MAGI1: variants seen among roughly 807,000 people sequenced by gnomAD.
The protein encoded by MAGI1 is membrane associated guanylate kinase, WW and PDZ domain containing 1, also known as membrane-associated guanylate kinase, WW and PDZ domain-containing protein 1.
In MAGI1, 58 loss-of-function variants were observed where a neutral mutation model predicts 139.9. The observed-to-expected ratio is 0.41, with a 90% CI of 0.34 to 0.52. MAGI1 has a LOEUF of 0.52. Among genes scored for constraint, MAGI1 ranks in the 20% least tolerant of loss-of-function variants. The pLI is 0.12. For synonymous variants in MAGI1, 812 were observed against 737.9 expected (o/e 1.10, Z -1.63); for missense variants, 1,874 against 1,901.6 (o/e 0.99, Z 0.27).
intron 1 of MAGI1, among the ~76,000 whole-genome samples, chr3:65,721,322 C>G (rs1278365049): frequency 1.3e-5 from 2 of 152,216 alleles, no homozygotes; most frequent in African/African-American, 4.8e-5. Flanking sequence ...CACTCTACCT[C>G]TTCTGAGGCA....
chr3:65,975,393 A>G (rs1232091286), intron 1 of MAGI1, among the ~76,000 whole-genome samples: 1 of 152,212 alleles, frequency 6.6e-6, no homozygotes, highest in African/African-American at 2.4e-5. Context: ...GGTCTTCGAC[A>G]TTTTATATAA....
chr3:65,820,407 A>T (rs1220173359), intron 1 of MAGI1, among the ~76,000 whole-genome samples: 1 of 152,134 alleles, frequency 6.6e-6, no homozygotes, highest in African/African-American at 2.4e-5. Context: ...TCACATGGGC[A>T]GTGTGATCCT....
At chr3:65,949,555 G>A (rs142232433) in intron 1 of MAGI1, among the ~76,000 whole-genome samples, 7 of 152,276 alleles carry the variant, frequency 4.6e-5, no homozygotes, top group South Asian at 2.1e-4. Flanking sequence ...TATTCAACAT[G>A]TCCAGCATTC....
intron 18 of MAGI1, among the ~76,000 whole-genome samples, chr3:65,373,539 C>T (rs1204794403): frequency 6.6e-6 from 1 of 152,190 alleles, no homozygotes; most frequent in Non-Finnish European, 1.5e-5. Context: ...TTGCTCGAAG[C>T]AGGGTGGCCA....
chr3:65,531,034 A>G (rs9864441), intron 2 of MAGI1, among the ~76,000 whole-genome samples: 1,684 of 151,818 alleles, frequency 0.011, 29 homozygotes, highest in African/African-American at 0.039. Context: ...ATTAAATGAC[A>G]TAAGTCATGT....
intron 1 of MAGI1, among the ~76,000 whole-genome samples, chr3:65,989,433 C>T (rs952010136): frequency 4.9e-4 from 75 of 152,300 alleles, no homozygotes; most frequent in African/African-American, 1.7e-3. Context: ...TAATGTAATG[C>T]TACTGTGGAG....
At chr3:65,721,849 T>C (rs113933733) in intron 1 of MAGI1, among the ~76,000 whole-genome samples, 76 of 152,138 alleles carry the variant, frequency 5.0e-4, no homozygotes, top group African/African-American at 1.8e-3. Context: ...GTTTTTTTTT[T>C]CAAGTAAGCT....
intron 2 of MAGI1, among the ~76,000 whole-genome samples, chr3:65,515,746 G>A (rs1289435451): frequency 6.6e-6 from 1 of 152,172 alleles, no homozygotes; most frequent in Non-Finnish European, 1.5e-5. Flanking sequence ...TCAGCCATCA[G>A]AATTGTCACT....
intron 1 of MAGI1, among the ~76,000 whole-genome samples, chr3:65,855,881 C>T (rs1007265522): frequency 6.6e-6 from 1 of 151,728 alleles, no homozygotes; most frequent in Non-Finnish European, 1.5e-5. Flanking sequence ...CCCTCACTTA[C>T]GCAACAGCTA....
At chr3:65,869,793 A>C (rs565329995) in intron 1 of MAGI1, among the ~76,000 whole-genome samples, 8 of 152,312 alleles carry the variant, frequency 5.3e-5, no homozygotes, top group African/African-American at 1.9e-4. Flanking sequence ...AACTGAAATG[A>C]AATGAGGATC....
chr3:65,949,948 C>G (rs938399662), intron 1 of MAGI1, among the ~76,000 whole-genome samples: 4 of 149,846 alleles, frequency 2.7e-5, no homozygotes, highest in African/African-American at 9.8e-5. Context: ...ACTCAGGAGG[C>G]TGAGATGGGA....
At chr3:65,548,616 A>G (rs2079636272) in intron 2 of MAGI1, among the ~76,000 whole-genome samples, 1 of 137,402 alleles carries the variant, frequency 7.3e-6, no homozygotes. Context: ...TCTGCCTCCC[A>G]GGTTCAAGCT....
At chr3:65,374,349 G>A (rs1242845153) in intron 18 of MAGI1, among the ~76,000 whole-genome samples, 5 of 109,526 alleles carry the variant, frequency 4.6e-5, no homozygotes, top group East Asian at 2.8e-4. Context: ...GATGAGTCTC[G>A]CCCTGTTGCC....
intron 1 of MAGI1, among the ~76,000 whole-genome samples, chr3:65,672,701 T>C (rs1333767284): frequency 6.6e-6 from 1 of 152,178 alleles, no homozygotes; most frequent in African/African-American, 2.4e-5. Flanking sequence ...TGTTATCAAT[T>C]CAGTTGATCA....
intron 2 of MAGI1, among the ~76,000 whole-genome samples, chr3:65,497,578 GA>G (rs74888751): frequency 0.16 from 24,121 of 151,572 alleles, 2,036 homozygotes; most frequent in South Asian, 0.25. Flanking sequence ...AATCCATCTT[GA>G]AAAAAAATGA....
chr3:65,904,948 C>T (rs761621872), intron 1 of MAGI1, among the ~76,000 whole-genome samples: 1 of 152,124 alleles, frequency 6.6e-6, no homozygotes, highest in Non-Finnish European at 1.5e-5. Flanking sequence ...GAAAACGCCT[C>T]ATCCTGGAAC....
chr3:65,635,113 G>A (rs974081082), intron 1 of MAGI1, among the ~76,000 whole-genome samples: 2 of 152,068 alleles, frequency 1.3e-5, no homozygotes, highest in Admixed American at 1.3e-4. Flanking sequence ...GAGACAGGCT[G>A]GAGTACAATG....
intron 10 of MAGI1, among the ~76,000 whole-genome samples, chr3:65,434,915 G>A (rs1280228858): frequency 2.0e-5 from 3 of 152,146 alleles, no homozygotes; most frequent in African/African-American, 7.2e-5. Flanking sequence ...TTGGAAGTGG[G>A]GCCTTTGGGA....
At chr3:65,640,166 G>A (rs2084907317) in intron 1 of MAGI1, among the ~76,000 whole-genome samples, 1 of 151,866 alleles carries the variant, frequency 6.6e-6, no homozygotes, top group East Asian at 1.9e-4. Context: ...GTCTTGGGAT[G>A]TGCCAGTCTC....
Sources: gnomAD v4.1 joint callset for allele counts (sites outside exome capture counted in the v4.1 genomes callset) on GRCh38, gnomAD v4.1.1 for gene constraint, MANE v1.5 for transcripts, NCBI Gene and HGNC (gene_info 2026-07-23, HGNC 2026-07-21) for gene names.